The following GLIS3 variants were observed in gnomAD, a reference collection of about 807,000 sequenced individuals.
GLIS3 encodes the protein zinc finger protein GLIS3.
GLIS3 carries 53 observed loss-of-function variants against 78.6 expected under a neutral mutation model. That is an observed-to-expected ratio of 0.67 (90% CI 0.54 to 0.85). The LOEUF is 0.85. Ranked by LOEUF, GLIS3 falls within the 40% of genes least tolerant of loss-of-function variation. The pLI is 0.00. For missense variants in GLIS3, 1,703 were observed against 1,231.1 expected (o/e 1.38, Z -5.74); for synonymous variants, 684 against 509.9 (o/e 1.34, Z -4.60).
At chr9:4,110,453 C>T (rs907978537) in intron 4 of GLIS3, among the ~76,000 whole-genome samples, 2 of 152,170 alleles carry the variant, frequency 1.3e-5, no homozygotes, top group African/African-American at 4.8e-5. Context: ...AACAGATTAA[C>T]CATTCTCCCT....
chr9:3,951,881 C>CACACAA lies in GLIS3; in HGVS notation c.1711-14693_1711-14692insTTGTGT, dbSNP rs1261035632. Reference sequence around the variant, plus strand: ...ACACACACACACACACACACACACACACACGCACGCACACACCCACTGGCC... The same window carrying CACACAA: ...ACACACACACACACACACACACACACACACAAACACGCACGCACACACCCACTGGCC... On this transcript the variant is annotated intron_variant, in intron 4 of 10. Coordinates refer to ENST00000381971, the MANE Select transcript of GLIS3 (RefSeq NM_001042413.2). 2.0e-3 allele frequency among the ~76,000 whole-genome samples: 302 copies of CACACAA among 150,616 alleles called. 1 individual carries two copies. The highest frequency in any genetic ancestry group is 7.2e-3 in the African/African-American group (291 of 40,688).
chr9:4,265,150 C>CA (rs1825873233), intron 2 of GLIS3, among the ~76,000 whole-genome samples: 1 of 131,484 alleles, frequency 7.6e-6, no homozygotes, highest in Non-Finnish European at 1.6e-5. Context: ...CCAAACTGGG[C>CA]AACAGAGTGA....
intron 2 of GLIS3, among the ~76,000 whole-genome samples, chr9:4,159,010 G>A (rs1459154064): frequency 8.2e-6 from 1 of 121,606 alleles, no homozygotes; most frequent in Admixed American, 9.8e-5. Context: ...AACCAGCTTG[G>A]TATGCTAGAG....
chr9:4,477,121 ACAG>A, the GLIS3 span, among the ~76,000 whole-genome samples: 1 of 152,122 alleles, frequency 6.6e-6, no homozygotes, highest in East Asian at 1.9e-4. Flanking sequence ...GTCCATATTC[ACAG>A]CATTATTATT....
chr9:4,014,506 G>A (rs958755930), intron 4 of GLIS3, among the ~76,000 whole-genome samples: 2 of 152,156 alleles, frequency 1.3e-5, no homozygotes, highest in Non-Finnish European at 2.9e-5. Flanking sequence ...AGGAAAGATG[G>A]CCATGTGAAA....
At chr9:4,320,268 C>T (rs937323911) in intron 2 of GLIS3, among the ~76,000 whole-genome samples, 13 of 152,034 alleles carry the variant, frequency 8.6e-5, no homozygotes, top group African/African-American at 3.1e-4. Context: ...TGACTAGCCC[C>T]TAAAAGAATT....
intron 8 of GLIS3, among the ~76,000 whole-genome samples, chr9:3,861,915 C>G (rs1342853843): frequency 2.0e-5 from 3 of 151,956 alleles, no homozygotes; most frequent in Non-Finnish European, 4.4e-5. Context: ...CCGGCACATC[C>G]TGCAAATGTA....
rs1157548125 is a variant in GLIS3 at position 4,299,689 on chromosome 9, G to A, written c.-367C>T. 6.6e-6 allele frequency: 1 copy of A among 152,530 alleles called. No individual in the cohort carries two copies. The highest frequency in any genetic ancestry group is 1.5e-5 in the Non-Finnish European group (1 of 68,144). 9.4% of individuals were successfully genotyped at this position (152,530 alleles called of 1,614,324 possible). On this transcript the variant is annotated 5_prime_UTR_variant, in exon 1 of 11. Transcript: ENST00000381971. ...GGGGAGGAGGAGGCAGAGGCGGGGT[G>A]GCTGGACCCTCGGCATCAGCTCATT...
chr9:4,112,863 T>C (rs1008270975), intron 4 of GLIS3, among the ~76,000 whole-genome samples: 4 of 152,144 alleles, frequency 2.6e-5, no homozygotes, highest in African/African-American at 9.7e-5. Context: ...GGTGGTAATA[T>C]CTGTTTCAGT....
chr9:4,082,742 C>G (rs959201939), intron 4 of GLIS3, among the ~76,000 whole-genome samples: 4 of 152,164 alleles, frequency 2.6e-5, no homozygotes, highest in African/African-American at 9.7e-5. Flanking sequence ...ACAAACACTG[C>G]TTTGTAACTC....
chr9:4,232,807 A>G (rs1466320611), intron 2 of GLIS3, among the ~76,000 whole-genome samples: 1 of 152,164 alleles, frequency 6.6e-6, no homozygotes, highest in Non-Finnish European at 1.5e-5. Context: ...ATGTCCAACC[A>G]CTAGTCATAT....
chr9:3,973,649 T>C (rs948493351), intron 4 of GLIS3, among the ~76,000 whole-genome samples: 1 of 152,152 alleles, frequency 6.6e-6, no homozygotes, highest in African/African-American at 2.4e-5. Context: ...TAAAAATCAT[T>C]TTCACACAAA....
chr9:4,278,867 G>A (rs940420023), intron 2 of GLIS3, among the ~76,000 whole-genome samples: 1 of 152,224 alleles, frequency 6.6e-6, no homozygotes, highest in Non-Finnish European at 1.5e-5. Context: ...AGCATTCAGT[G>A]CTTCTGGGTA....
chr9:4,361,101 G>C, the GLIS3 span, among the ~76,000 whole-genome samples: 2 of 152,278 alleles, frequency 1.3e-5, no homozygotes, highest in South Asian at 4.2e-4. Context: ...GAACACCTTT[G>C]GTCCCTACTT....
intron 2 of GLIS3, among the ~76,000 whole-genome samples, chr9:4,271,021 C>G (rs1276358175): frequency 6.6e-6 from 1 of 152,022 alleles, no homozygotes; most frequent in Non-Finnish European, 1.5e-5. Flanking sequence ...ACCCCTGAGA[C>G]AGCAAAACCA....
the GLIS3 span, among the ~76,000 whole-genome samples, chr9:4,441,648 C>T: frequency 1.3e-5 from 2 of 152,206 alleles, no homozygotes; most frequent in African/African-American, 2.4e-5. Context: ...GCTCTATCAC[C>T]CAGGCTGGAA....
chr9:4,271,758 A>T (rs1490457608), intron 2 of GLIS3, among the ~76,000 whole-genome samples: 1 of 152,184 alleles, frequency 6.6e-6, no homozygotes, highest in African/African-American at 2.4e-5. Flanking sequence ...AGTAGAAAGC[A>T]CTGATCTCCT....
intron 8 of GLIS3, among the ~76,000 whole-genome samples, chr9:3,864,327 G>C (rs1045481602): frequency 1.3e-5 from 2 of 152,146 alleles, no homozygotes; most frequent in African/African-American, 4.8e-5. Context: ...GTTCAGAAGA[G>C]AGTGTAATGA....
At chr9:4,029,266 C>A (rs1363287759) in intron 4 of GLIS3, among the ~76,000 whole-genome samples, 1 of 151,816 alleles carries the variant, frequency 6.6e-6, no homozygotes, top group Non-Finnish European at 1.5e-5. Flanking sequence ...ATTAGAAATT[C>A]CAGCAGACCT....
Sources: allele counts gnomAD v4.1 joint callset (sites outside exome capture counted in the v4.1 genomes callset), GRCh38; gene constraint gnomAD v4.1.1; transcripts MANE v1.5; gene names NCBI Gene and HGNC (gene_info 2026-07-23, HGNC 2026-07-21).